LOC112694756: variants seen among roughly 807,000 people sequenced by gnomAD.
the LOC112694756 span, among the ~76,000 whole-genome samples, chr16:30,065,350 A>G: frequency 2.6e-5 from 4 of 152,262 alleles, no homozygotes; most frequent in Admixed American, 2.6e-4. Flanking sequence ...GAAGACCGGA[A>G]GCTGGGGCGG....
At chr16:30,069,943 G>A in the LOC112694756 span, 3 of 1,614,052 alleles carry the variant, frequency 1.9e-6, no homozygotes, top group Non-Finnish European at 2.5e-6. Flanking sequence ...CTACGGCCGA[G>A]CCCTGCAGGC....
At chr16:30,067,137 G>T in the LOC112694756 span, 1 of 1,585,864 alleles carries the variant, frequency 6.3e-7, no homozygotes, top group South Asian at 1.1e-5. Context: ...GGGAGGTAGG[G>T]AACATTTCCC....
the LOC112694756 span, chr16:30,069,687 T>A: frequency 6.2e-7 from 1 of 1,613,126 alleles, no homozygotes. Flanking sequence ...AGGCCCACAC[T>A]CATCTTGATC....
the LOC112694756 span, among the ~76,000 whole-genome samples, chr16:30,056,140 C>T: frequency 8.0e-5 from 11 of 136,718 alleles, no homozygotes; most frequent in East Asian, 4.5e-4. Flanking sequence ...GACGGAGTCT[C>T]GCTCTGTTGC....
the LOC112694756 span, chr16:30,063,587 A>G: frequency 1.0e-5 from 4 of 397,648 alleles, no homozygotes; most frequent in African/African-American, 2.1e-5. Context: ...AGGGAATTGC[A>G]CTGTTCCTGG....
At chr16:30,068,578 G>A in the LOC112694756 span, 113 of 1,557,368 alleles carry the variant, frequency 7.3e-5, no homozygotes, top group East Asian at 2.0e-3. Context: ...ACTCCAGCCG[G>A]GGCGACAGTG....
chr16:30,054,903 C>T, the LOC112694756 span: 5 of 398,976 alleles, frequency 1.3e-5, no homozygotes, highest in Admixed American at 4.4e-5. Flanking sequence ...TGGGTCTAGT[C>T]CTGCTGACTA....
chr16:30,058,838 C>T, the LOC112694756 span: 1 of 392,192 alleles, frequency 2.5e-6, no homozygotes, highest in Admixed American at 4.4e-5. Context: ...TTCATTCATT[C>T]ATTGACTCAC....
At chr16:30,069,862 G>A in the LOC112694756 span, 3 of 1,614,170 alleles carry the variant, frequency 1.9e-6, no homozygotes, top group Non-Finnish European at 2.5e-6. Context: ...CCAGAGTGAG[G>A]AGGAGGCGTC....
the LOC112694756 span, chr16:30,068,867 T>C: frequency 3.1e-6 from 5 of 1,614,140 alleles, no homozygotes; most frequent in Admixed American, 6.7e-5. Flanking sequence ...AGGACGGAGC[T>C]GACTTCGCCA....
the LOC112694756 span, chr16:30,063,666 C>G: frequency 2.5e-6 from 1 of 399,046 alleles, no homozygotes; most frequent in Non-Finnish European, 4.4e-6. Flanking sequence ...TTCCCTTCTC[C>G]CCTTAGAGAG....
the LOC112694756 span, among the ~76,000 whole-genome samples, chr16:30,057,649 T>C: frequency 6.6e-6 from 1 of 152,036 alleles, no homozygotes; most frequent in African/African-American, 2.4e-5. Flanking sequence ...AGTTTTGAAG[T>C]AAATTGTGGG....
At chr16:30,055,391 T>C in the LOC112694756 span, 2 of 398,294 alleles carry the variant, frequency 5.0e-6, no homozygotes, top group African/African-American at 4.2e-5. Context: ...GTGCATTCAT[T>C]TTTTTGCTCA....
At chr16:30,065,899 C>G in the LOC112694756 span, 2 of 153,388 alleles carry the variant, frequency 1.3e-5, no homozygotes, top group African/African-American at 4.8e-5. Flanking sequence ...GCCGCCGCAC[C>G]CTGCACACCC....
chr16:30,062,734 G>A, the LOC112694756 span, among the ~76,000 whole-genome samples: 2 of 151,912 alleles, frequency 1.3e-5, no homozygotes, highest in African/African-American at 4.8e-5. Context: ...CCACCTACTT[G>A]GGAGGCTGAG....
At chr16:30,056,911 C>CT in the LOC112694756 span, among the ~76,000 whole-genome samples, 1,847 of 137,562 alleles carry the variant, frequency 0.013, 46 homozygotes, top group African/African-American at 0.041. Context: ...TCTACTTGCC[C>CT]TTTTTTTTTT....
At chr16:30,069,134 A>G in the LOC112694756 span, 3 of 1,368,912 alleles carry the variant, frequency 2.2e-6, no homozygotes, top group South Asian at 3.6e-5. Flanking sequence ...CAGAGGGGCC[A>G]AGGAGGGATG....
At chr16:30,066,584 T>C in the LOC112694756 span, among the ~76,000 whole-genome samples, 1 of 152,180 alleles carries the variant, frequency 6.6e-6, no homozygotes, top group Non-Finnish European at 1.5e-5. Flanking sequence ...CTCTCTTATA[T>C]TTTTCCTAAT....
At chr16:30,067,248 C>T in the LOC112694756 span, 1 of 1,612,270 alleles carries the variant, frequency 6.2e-7, no homozygotes. Flanking sequence ...TTGCTACTAC[C>T]AGCACCATGC....
Sources: gnomAD v4.1 joint callset for allele counts (sites outside exome capture counted in the v4.1 genomes callset) on GRCh38, gnomAD v4.1.1 for gene constraint, MANE v1.5 for transcripts.